The following ATRNL1 variants were observed in gnomAD, a reference collection of about 807,000 sequenced individuals.
ATRNL1 encodes the protein attractin-like protein 1.
A neutral mutation model predicts 182.7 loss-of-function variants in ATRNL1; 95 were observed. The observed-to-expected ratio is 0.52, with a 90% CI of 0.44 to 0.62. ATRNL1 has a LOEUF of 0.62. ATRNL1 is among the 20% of genes least tolerant of loss of function. The pLI, the probability that ATRNL1 is intolerant of heterozygous loss-of-function variation, is 0.00. For missense variants in ATRNL1, 1,471 were observed against 1,679.5 expected, an observed-to-expected ratio of 0.88 and a Z score of 2.17; for synonymous variants, 576 against 568.3, an observed-to-expected ratio of 1.01 and a Z score of -0.19.
intron 8 of ATRNL1, among the ~76,000 whole-genome samples, chr10:115,214,598 G>A (rs1430932379): frequency 6.6e-6 from 1 of 151,996 alleles, no homozygotes; most frequent in Non-Finnish European, 1.5e-5. Context: ...GTTGATTTGG[G>A]TATTTTCAAT....
At chr10:115,704,932 C>T (rs1555052645) in intron 26 of ATRNL1, among the ~76,000 whole-genome samples, 1 of 151,372 alleles carries the variant, frequency 6.6e-6, no homozygotes, top group African/African-American at 2.4e-5. Context: ...TCCTAGTTAA[C>T]TCCTTCTTCT....
At chr10:115,859,710 C>T (rs1239428475) in intron 28 of ATRNL1, among the ~76,000 whole-genome samples, 2 of 152,264 alleles carry the variant, frequency 1.3e-5, no homozygotes, top group East Asian at 1.9e-4. Flanking sequence ...GGTTTAATCT[C>T]GGGTCCTCCC....
intron 25 of ATRNL1, among the ~76,000 whole-genome samples, chr10:115,548,040 C>T (rs1852766180): frequency 2.0e-5 from 3 of 152,046 alleles, no homozygotes; most frequent in Non-Finnish European, 4.4e-5. Flanking sequence ...TTAGAGCTGC[C>T]AGCATATGGA....
intron 26 of ATRNL1, among the ~76,000 whole-genome samples, chr10:115,696,592 C>T (rs567479331): frequency 6.6e-6 from 1 of 152,314 alleles, no homozygotes; most frequent in East Asian, 1.9e-4. Flanking sequence ...TCCATACTGT[C>T]TTCCACAATG....
chr10:115,627,226 A>G (rs1302149985), intron 26 of ATRNL1, among the ~76,000 whole-genome samples: 2 of 152,112 alleles, frequency 1.3e-5, no homozygotes, highest in East Asian at 3.9e-4. Flanking sequence ...CCTGGCAGTC[A>G]CCAACCTGAA....
intron 9 of ATRNL1, among the ~76,000 whole-genome samples, chr10:115,235,135 A>G (rs1419716599): frequency 6.6e-6 from 1 of 152,116 alleles, no homozygotes; most frequent in Admixed American, 6.5e-5. Context: ...TTTCTGCATG[A>G]TTAGATTCAC....
At chr10:115,813,419 G>T (rs1318965199) in intron 27 of ATRNL1, among the ~76,000 whole-genome samples, 2 of 152,054 alleles carry the variant, frequency 1.3e-5, no homozygotes, top group Non-Finnish European at 2.9e-5. Flanking sequence ...AGCTGAAAAA[G>T]CATGTCCATA....
chr10:115,533,911 G>A (rs1480493372), intron 25 of ATRNL1, among the ~76,000 whole-genome samples: 5 of 149,986 alleles, frequency 3.3e-5, no homozygotes, highest in African/African-American at 1.2e-4. Flanking sequence ...TAGTTGAGCG[G>A]TTTTGAGTGA....
intron 5 of ATRNL1, among the ~76,000 whole-genome samples, chr10:115,154,566 C>G (rs1241923491): frequency 2.6e-5 from 4 of 151,950 alleles, no homozygotes; most frequent in Non-Finnish European, 4.4e-5. Flanking sequence ...GAATTGCAAC[C>G]CCTGCCCTTT....
chr10:115,358,283 T>C (rs1592514759), intron 19 of ATRNL1, among the ~76,000 whole-genome samples: 1 of 151,708 alleles, frequency 6.6e-6, no homozygotes, highest in East Asian at 1.9e-4. Flanking sequence ...AAAAAACTTA[T>C]TTTGTTACTA....
At chr10:115,197,312 A>G (rs1848399705) in intron 8 of ATRNL1, among the ~76,000 whole-genome samples, 1 of 152,086 alleles carries the variant, frequency 6.6e-6, no homozygotes, top group Non-Finnish European at 1.5e-5. Flanking sequence ...TATATTCATA[A>G]GAGATATTAG....
intron 27 of ATRNL1, among the ~76,000 whole-genome samples, chr10:115,761,631 T>G (rs1171073430): frequency 6.6e-6 from 1 of 152,204 alleles, no homozygotes; most frequent in Non-Finnish European, 1.5e-5. Context: ...ACAGCACATT[T>G]GCTGTTGCTG....
Position 115,318,419 on chromosome 10 carries a change from G to C in ATRNL1, c.3037+2683G>C, listed in dbSNP as rs373189057. Among the ~76,000 whole-genome samples, 3 of 152,132 alleles carry C rather than the reference G, an allele frequency of 2.0e-5. No homozygotes were observed. The East Asian group carries it at 5.8e-4, about 29-fold the overall frequency. ...TGGCTTTATAAAATTAGTTAGAGAG[G>C]AGTCTCTCCCTTTCAGTTGTTTGGA... On this transcript the variant is annotated intron_variant, in intron 18 of 28. Transcript: ENST00000355044.
At chr10:115,438,190 T>A (rs1206625050) in intron 21 of ATRNL1, among the ~76,000 whole-genome samples, 1 of 152,016 alleles carries the variant, frequency 6.6e-6, no homozygotes, top group Non-Finnish European at 1.5e-5. Context: ...ACATGAGCAG[T>A]GCCATTGATA....
chr10:115,743,819 T>C (rs1555068439), intron 27 of ATRNL1, among the ~76,000 whole-genome samples: 1 of 151,314 alleles, frequency 6.6e-6, no homozygotes. Context: ...ACACATACAG[T>C]AACTCAGACT....
chr10:115,648,054 T>C (rs1859745554), intron 26 of ATRNL1, among the ~76,000 whole-genome samples: 1 of 152,184 alleles, frequency 6.6e-6, no homozygotes, highest in Non-Finnish European at 1.5e-5. Flanking sequence ...AAATAGGGAA[T>C]TTTTTCCCCA....
At chr10:115,427,243 A>G (rs1845946261) in intron 21 of ATRNL1, among the ~76,000 whole-genome samples, 2 of 152,258 alleles carry the variant, frequency 1.3e-5, no homozygotes, top group South Asian at 4.1e-4. Flanking sequence ...GCATCTTTTC[A>G]TAGGATTGTT....
At chr10:115,421,422 T>C (rs782063450) in intron 20 of ATRNL1, among the ~76,000 whole-genome samples, 1 of 152,120 alleles carries the variant, frequency 6.6e-6, no homozygotes, top group Non-Finnish European at 1.5e-5. Context: ...TACATTGCAT[T>C]ACTAGGATGA....
intron 19 of ATRNL1, among the ~76,000 whole-genome samples, chr10:115,392,521 A>G (rs570109419): frequency 8.2e-4 from 125 of 152,276 alleles, no homozygotes; most frequent in African/African-American, 2.9e-3. Flanking sequence ...CCTCTATTCC[A>G]TATGTTCTTT....
Sources: gnomAD v4.1 joint callset for allele counts (sites outside exome capture counted in the v4.1 genomes callset) on GRCh38, gnomAD v4.1.1 for gene constraint, MANE v1.5 for transcripts, NCBI Gene and HGNC (gene_info 2026-07-23, HGNC 2026-07-21) for gene names.